ERC2: variants seen among roughly 807,000 people sequenced by gnomAD.
ERC2 encodes ERC protein 2.
A neutral mutation model predicts 114.8 loss-of-function variants in ERC2; 42 were observed. The observed-to-expected ratio is 0.37, with a 90% CI of 0.29 to 0.47. The LOEUF (loss-of-function observed/expected upper bound fraction) is 0.47, where lower values mean the gene tolerates loss of function less well. Among genes scored for constraint, ERC2 ranks in the 20% least tolerant of loss-of-function variants. The pLI is 0.99. For missense variants in ERC2, 939 were observed against 1,150.7 expected (o/e 0.82, Z 2.66); for synonymous variants, 454 against 425.5 (o/e 1.07, Z -0.82).
intron 17 of ERC2, 56 bp downstream of exon 17, chr3:55,683,738 A>G (rs923019876): frequency 1.4e-6 from 2 of 1,418,230 alleles, no homozygotes; most frequent in Non-Finnish European, 2.0e-6. Context: ...CACGCACACA[A>G]TACAACACTA....
At chr3:55,624,697 A>G (rs2059444633) in intron 17 of ERC2, among the ~76,000 whole-genome samples, 3 of 152,140 alleles carry the variant, frequency 2.0e-5, no homozygotes, top group African/African-American at 7.2e-5. Context: ...AAATGGGAAT[A>G]AGTGTGCTGA....
intron 3 of ERC2, among the ~76,000 whole-genome samples, chr3:56,178,084 T>C (rs1340503205): frequency 6.6e-6 from 1 of 152,172 alleles, no homozygotes; most frequent in Non-Finnish European, 1.5e-5. Context: ...AGCCTAGAAT[T>C]TTGAGCATGA....
chr3:55,909,604 G>A (rs1407331896), intron 13 of ERC2, among the ~76,000 whole-genome samples: 1 of 151,974 alleles, frequency 6.6e-6, no homozygotes, highest in Non-Finnish European at 1.5e-5. Context: ...GAAACCTAAG[G>A]GTAAAGGTTC....
intron 15 of ERC2, among the ~76,000 whole-genome samples, chr3:55,706,803 C>T (rs1262829240): frequency 2.0e-5 from 3 of 152,264 alleles, no homozygotes; most frequent in African/African-American, 2.4e-5. Context: ...AGGACTAACA[C>T]ACCTGTGACT....
intron 14 of ERC2, among the ~76,000 whole-genome samples, chr3:55,774,997 A>C (rs2068487096): frequency 6.6e-6 from 1 of 152,174 alleles, no homozygotes; most frequent in South Asian, 2.1e-4. Flanking sequence ...TAACTAAAGA[A>C]CAAATTTTAA....
intron 1 of ERC2, among the ~76,000 whole-genome samples, chr3:56,453,190 G>T (rs768803983): frequency 4.6e-5 from 7 of 152,150 alleles, no homozygotes; most frequent in Non-Finnish European, 1.0e-4. Flanking sequence ...ATGACATCTG[G>T]CTTGGCCGTA....
At chr3:56,063,984 T>C (rs1458660576) in intron 7 of ERC2, among the ~76,000 whole-genome samples, 1 of 152,222 alleles carries the variant, frequency 6.6e-6, no homozygotes, top group Non-Finnish European at 1.5e-5. Flanking sequence ...CCATCATTTA[T>C]TTAGTTACTC....
At chr3:56,310,714 T>C (rs377751249) in intron 2 of ERC2, among the ~76,000 whole-genome samples, 3 of 152,134 alleles carry the variant, frequency 2.0e-5, no homozygotes, top group South Asian at 2.1e-4. Flanking sequence ...CAGACCTCCA[T>C]GCTACTCAGA....
At chr3:55,642,217 G>A (rs1337363668) in intron 17 of ERC2, among the ~76,000 whole-genome samples, 5 of 152,152 alleles carry the variant, frequency 3.3e-5, no homozygotes, top group South Asian at 2.1e-4. Flanking sequence ...TCATTCATGA[G>A]TGAGCATGTT....
intron 3 of ERC2, among the ~76,000 whole-genome samples, chr3:56,253,722 C>T (rs964749224): frequency 6.6e-6 from 1 of 152,122 alleles, no homozygotes; most frequent in African/African-American, 2.4e-5. Flanking sequence ...CTTTAAGAAG[C>T]CTCTCCCTAT....
chr3:56,186,894 C>T (rs952472928), intron 3 of ERC2, among the ~76,000 whole-genome samples: 1 of 152,152 alleles, frequency 6.6e-6, no homozygotes, highest in Non-Finnish European at 1.5e-5. Flanking sequence ...ACCCCTGGGT[C>T]ACTTACCTTA....
chr3:56,204,527 C>T (rs200620840), intron 3 of ERC2, among the ~76,000 whole-genome samples: 6 of 10,106 alleles, frequency 5.9e-4, no homozygotes, highest in Non-Finnish European at 9.7e-4. Flanking sequence ...TTTTTTGAGA[C>T]GGAATCTCAC....
intron 17 of ERC2, among the ~76,000 whole-genome samples, chr3:55,596,726 G>A (rs916876660): frequency 1.3e-5 from 2 of 152,150 alleles, no homozygotes; most frequent in Non-Finnish European, 1.5e-5. Flanking sequence ...AAAGGCAAGA[G>A]CATTAGTACA....
intron 16 of ERC2, among the ~76,000 whole-genome samples, chr3:55,695,949 G>A (rs1328184609): frequency 9.2e-5 from 14 of 152,110 alleles, no homozygotes; most frequent in African/African-American, 3.1e-4. Flanking sequence ...GCCCCAGGAC[G>A]CTCGAAGATA....
intron 2 of ERC2, among the ~76,000 whole-genome samples, chr3:56,420,701 C>T (rs984446287): frequency 6.0e-5 from 9 of 149,176 alleles, no homozygotes; most frequent in South Asian, 2.1e-4. Context: ...CTGGCTAACA[C>T]GGTGAAACCC....
At chr3:55,594,368 T>C (rs779180267) in intron 17 of ERC2, among the ~76,000 whole-genome samples, 2 of 152,148 alleles carry the variant, frequency 1.3e-5, no homozygotes, top group Non-Finnish European at 2.9e-5. Flanking sequence ...CTGAATGAAC[T>C]GGGCTTTTGT....
intron 14 of ERC2, among the ~76,000 whole-genome samples, chr3:55,803,872 C>T (rs1038935626): frequency 1.2e-4 from 18 of 152,106 alleles, no homozygotes; most frequent in African/African-American, 4.3e-4. Flanking sequence ...GAGAGCAAAA[C>T]CTGACACTTC....
At chr3:56,119,795 C>T (rs1035302311) in intron 6 of ERC2, among the ~76,000 whole-genome samples, 1 of 152,168 alleles carries the variant, frequency 6.6e-6, no homozygotes, top group African/African-American at 2.4e-5. Context: ...GTTCACAGCG[C>T]TGCAATGACC....
chr3:56,451,516 T>C (rs1414272318), intron 1 of ERC2, among the ~76,000 whole-genome samples: 2 of 152,130 alleles, frequency 1.3e-5, no homozygotes, highest in South Asian at 2.1e-4. Flanking sequence ...AAAATATGAC[T>C]GATAACCATG....
Sources: gnomAD v4.1 joint callset for allele counts (sites outside exome capture counted in the v4.1 genomes callset) on GRCh38, gnomAD v4.1.1 for gene constraint, MANE v1.5 for transcripts, NCBI Gene and HGNC (gene_info 2026-07-23, HGNC 2026-07-21) for gene names.